Variants in FCHSD2 observed in about 807,000 individuals in gnomAD.
FCHSD2 encodes FCH and double SH3 domains 2.
A neutral mutation model predicts 108.1 loss-of-function variants in FCHSD2; 38 were observed. The observed-to-expected ratio is 0.35, with a 90% CI of 0.27 to 0.46. The LOEUF (loss-of-function observed/expected upper bound fraction) is 0.46, where lower values mean the gene tolerates loss of function less well. FCHSD2 is among the 20% of genes least tolerant of loss of function. The pLI, the probability that FCHSD2 is intolerant of heterozygous loss-of-function variation, is 1.00. For missense variants in FCHSD2, 751 were observed against 897.8 expected (o/e 0.84, Z 2.09); for synonymous variants, 279 against 314.7 (o/e 0.89, Z 1.20).
intron 10 of FCHSD2, among the ~76,000 whole-genome samples, chr11:72,897,434 T>C (rs1170274137): frequency 6.6e-6 from 1 of 152,134 alleles, no homozygotes; most frequent in Admixed American, 6.5e-5. Flanking sequence ...GCATTTACAT[T>C]GTATTAGGGA....
intron 8 of FCHSD2, among the ~76,000 whole-genome samples, chr11:72,950,334 T>G (rs755440426): frequency 3.3e-5 from 5 of 152,200 alleles, no homozygotes; most frequent in Admixed American, 3.3e-4. Flanking sequence ...ACAAAAGTTT[T>G]TATTTCTGCA....
rs569275023 is a variant in FCHSD2, at chr11:72,852,704, T to C, written c.1309-2815A>G. ...ATGCACACATGCACGTGTATATTCATTGCAGCACTATTTATACTAGCGAAG... is the reference window on the plus strand; with the variant it reads ...ATGCACACATGCACGTGTATATTCACTGCAGCACTATTTATACTAGCGAAG... On this transcript the variant is annotated intron_variant, in intron 13 of 19. Coordinates refer to ENST00000409418, the MANE Select transcript of FCHSD2 (RefSeq NM_014824.3). Among the ~76,000 whole-genome samples, 17 of 151,806 alleles carry C rather than the reference T, an allele frequency of 1.1e-4. No homozygotes were observed. In the South Asian group the frequency reaches 1.9e-3, roughly 17 times the overall value.
chr11:72,989,788 C>T (rs997661526), intron 5 of FCHSD2, among the ~76,000 whole-genome samples: 7 of 152,132 alleles, frequency 4.6e-5, no homozygotes, highest in African/African-American at 1.4e-4. Flanking sequence ...GGAGATTGAC[C>T]CCACTTTGAA....
intron 12 of FCHSD2, among the ~76,000 whole-genome samples, chr11:72,879,755 A>G (rs1329963250): frequency 1.3e-5 from 2 of 152,228 alleles, no homozygotes; most frequent in Non-Finnish European, 2.9e-5. Context: ...GTGTGGAATG[A>G]GCTTTGCATA....
chr11:72,981,483 C>T (rs1045604550), intron 8 of FCHSD2, among the ~76,000 whole-genome samples: 1 of 151,994 alleles, frequency 6.6e-6, no homozygotes, highest in African/African-American at 2.4e-5. Context: ...TTTATTTTTG[C>T]TGTTGCTTAA....
chr11:72,985,209 T>C, intron 6 of FCHSD2, 93 bp from the exon 7 acceptor site: 1 of 285,962 alleles, frequency 3.5e-6, no homozygotes, highest in Non-Finnish European at 6.6e-6. Context: ...AAAAATAATC[T>C]TTTTTGAAGA....
At position 73,142,046 on chromosome 11, in the gene FCHSD2, C is replaced by G. The variant is rs370292718; in HGVS notation, c.-169G>C. ...AGCAGGCCAGCGGGCGGCAGGCGGA[C>G]CCCAGCCAGAGAGCGAGTGTGAGGA... On this transcript the variant is annotated 5_prime_UTR_variant, in exon 1 of 20. Transcript: ENST00000409418. The G allele has an allele frequency of 1.6e-6, 1 of 615,682 alleles. No individual in the cohort carries two copies. The highest frequency in any genetic ancestry group is 3.1e-5 in the East Asian group (1 of 31,990). 38.1% of individuals were successfully genotyped at this position (615,682 alleles called of 1,614,324 possible). A position where few individuals can be genotyped will look rare whatever the true frequency, so the allele number is the denominator to read the frequency against.
chr11:72,984,165 C>T lies in FCHSD2; in HGVS notation c.628G>A (p.Asp210Asn). Residue 210 changes from aspartate to asparagine, a missense_variant, in exon 8 of 20, where the codon GAT becomes AAT. Physicochemically the swap from Asp to Asn is conservative, Grantham distance 23. Transcript: ENST00000409418. ...GCTGCCGCTAGGGTAAGAAGATAAT[C>T]ATTCCTTGCGTGGGTAGCTTTGGAA... The part of the protein sequence containing the change: ...CNSKATHARN[D>N]YLLTLAAANA... 1 of 1,613,418 alleles carries T rather than the reference C, an allele frequency of 6.2e-7. No individual in the cohort carries two copies. Among genetic ancestry groups the T allele is most frequent in the Non-Finnish European group, 8.5e-7 (1 of 1,179,366 alleles).
chr11:73,101,563 G>A (rs1051001960), intron 2 of FCHSD2, among the ~76,000 whole-genome samples: 10 of 151,844 alleles, frequency 6.6e-5, no homozygotes, highest in African/African-American at 1.7e-4. Flanking sequence ...TCAGCCTCCC[G>A]AGTAGCTGGG....
At chr11:72,889,759 A>G in intron 11 of FCHSD2, 70 bp downstream of exon 11, 1 of 842,662 alleles carries the variant, frequency 1.2e-6, no homozygotes, top group South Asian at 1.5e-5. Flanking sequence ...ACATTAATAA[A>G]ACTCAGTTCC....
rs60223064 is a variant in FCHSD2 at position 73,096,987 on chromosome 11, A to ATTTTTT, written c.120-13253_120-13248dup. On this transcript the variant is annotated intron_variant, in intron 2 of 19. Coordinates refer to ENST00000409418, the MANE Select transcript of FCHSD2 (RefSeq NM_014824.3). ...CTAATGTGATGTATTTCATTGATGG[A>ATTTTTT]TTTTTTTTTTTTTTTTTTTTTTTTT... Among the ~76,000 whole-genome samples, 125 of 27,040 alleles carry ATTTTTT rather than the reference A, an allele frequency of 4.6e-3. 37 individuals carry two copies. Among genetic ancestry groups the ATTTTTT allele is most frequent in the East Asian group, 0.012 (7 of 566 alleles). 17.7% of individuals were successfully genotyped at this position (27,040 alleles called of 152,430 possible). A position where few individuals can be genotyped will look rare whatever the true frequency, so the allele number is the denominator to read the frequency against.
chr11:73,113,614 T>C (rs1860542251), intron 2 of FCHSD2, among the ~76,000 whole-genome samples: 1 of 152,152 alleles, frequency 6.6e-6, no homozygotes, highest in South Asian at 2.1e-4. Context: ...TTTGTCGGTG[T>C]CCAGGCATTG....
At chr11:73,023,664 G>A (rs566351352) in intron 3 of FCHSD2, among the ~76,000 whole-genome samples, 1 of 152,248 alleles carries the variant, frequency 6.6e-6, no homozygotes, top group South Asian at 2.1e-4. Flanking sequence ...CATGTTCTAG[G>A]TATTTGGCCA....
intron 10 of FCHSD2, among the ~76,000 whole-genome samples, chr11:72,898,942 G>A (rs1239569469): frequency 6.6e-6 from 1 of 151,506 alleles, no homozygotes; most frequent in Non-Finnish European, 1.5e-5. Context: ...AAAGGGTTTC[G>A]CCGTGTTGCC....
chr11:72,880,942 T>A (rs537296963), intron 12 of FCHSD2, among the ~76,000 whole-genome samples: 1 of 146,996 alleles, frequency 6.8e-6, no homozygotes, highest in Non-Finnish European at 1.5e-5. Flanking sequence ...CAAGAAAACA[T>A]AGGGGAAATG....
At chr11:73,054,165 T>C (rs1169528203) in intron 3 of FCHSD2, among the ~76,000 whole-genome samples, 1 of 152,092 alleles carries the variant, frequency 6.6e-6, no homozygotes, top group Non-Finnish European at 1.5e-5. Flanking sequence ...GTTGGGAAAT[T>C]TGACAGAGAC....
chr11:72,919,487 CTA>C (rs1228486950), intron 9 of FCHSD2, among the ~76,000 whole-genome samples: 1 of 152,128 alleles, frequency 6.6e-6, no homozygotes, highest in African/African-American at 2.4e-5. Context: ...ATGGAAAGCA[CTA>C]TGTGTGAGTG....
At chr11:72,876,918 CTTT>C (rs1457973460) in intron 12 of FCHSD2, among the ~76,000 whole-genome samples, 1 of 151,634 alleles carries the variant, frequency 6.6e-6, no homozygotes, top group Non-Finnish European at 1.5e-5. Context: ...ATGCATTATC[CTTT>C]TTAATATTCC....
At chr11:72,984,889 A>C (rs1284488321) in intron 7 of FCHSD2, among the ~76,000 whole-genome samples, 173 bp downstream of exon 7, 4 of 152,234 alleles carry the variant, frequency 2.6e-5, no homozygotes, top group Non-Finnish European at 5.9e-5. Context: ...CAAGGTGTTG[A>C]CAGCTGGGTG....
Sources: gnomAD v4.1 joint callset for allele counts (sites outside exome capture counted in the v4.1 genomes callset) on GRCh38, gnomAD v4.1.1 for gene constraint, MANE v1.5 for transcripts, NCBI Gene and HGNC (gene_info 2026-07-23, HGNC 2026-07-21) for gene names.